DPP4: variants seen among roughly 807,000 people sequenced by gnomAD.
DPP4 encodes dipeptidyl peptidase 4.
DPP4 carries 93 observed loss-of-function variants against 122.4 expected under a neutral mutation model. The ratio of observed to expected loss-of-function variants is 0.76; its 90% CI spans 0.64 to 0.90. DPP4 has a LOEUF of 0.90. DPP4 is among the 40% of genes least tolerant of loss of function. The pLI is 0.00. For synonymous variants in DPP4, 321 were observed against 302.9 expected (o/e 1.06, Z -0.62); for missense variants, 914 against 907.3 (o/e 1.01, Z -0.09).
intron 18 of DPP4, among the ~76,000 whole-genome samples, chr2:162,014,921 G>A (rs1216569128): frequency 6.6e-6 from 1 of 152,080 alleles, no homozygotes; most frequent in Non-Finnish European, 1.5e-5. Flanking sequence ...TAACATTTTT[G>A]TAATTCTTAT....
Position 162,008,595 on chromosome 2 carries a change from C to A in DPP4, c.1954G>T (p.Ala652Ser). ...SGSGVFKCGI[A>S]VAPVSRWEYY... ...TCCCACCGGGATACAGGCGCCACGG[C>A]TATTCCACACTTGAACACGCCACTT... Residue 652 changes from alanine (A) to serine (S), a missense_variant, in exon 22 of 26, where the codon GCC (alanine) becomes TCC (serine). By Grantham distance (99) the Ala-to-Ser change is moderately conservative. Coordinates refer to ENST00000360534, the MANE Select transcript of DPP4 (RefSeq NM_001935.4). 6.2e-7 allele frequency: 1 copy of A among 1,613,608 alleles called. No homozygotes were observed. The highest frequency in any genetic ancestry group is 8.5e-7 in the Non-Finnish European group (1 of 1,179,702).
chr2:162,014,425 T>A lies in DPP4; in HGVS notation c.1608A>T (p.Lys536Asn). The A allele has an allele frequency of 6.2e-7, 1 of 1,608,792 alleles. No individual in the cohort carries two copies. The highest frequency in any genetic ancestry group is 8.5e-7 in the Non-Finnish European group (1 of 1,177,350). ...YQMILPPHFDKSKKYPLLLDV... is the reference protein window; with the variant it reads ...YQMILPPHFDNSKKYPLLLDV... ...CTAATAGTAGAGGATATTTCTTGGA[T>A]TTATCAAAATGAGGAGGCAAGATCA... The change falls in exon 19 of 26, where the codon AAA becomes AAT. Residue 536 changes from lysine (K) to asparagine (N), a missense_variant. Transcript: ENST00000360534.
rs766597015 is a variant in DPP4, at chr2:162,024,877, C to T, written c.950G>A (p.Arg317Lys). ...CATGACCGAATAGTTCTGAATCCTC[C>T]TGAGCCACTGCAAAGAAATTCTTTC... The part of the protein sequence containing the change: ...TQERISLQWL[R>K]RIQNYSVMDI... Residue 317 changes from arginine (R) to lysine (K), a missense_variant, in exon 11 of 26, where the codon AGG becomes AAG. Physicochemically the swap from Arg to Lys is conservative, Grantham distance 26 (BLOSUM62 2). Transcript: ENST00000360534. The T allele has an allele frequency of 6.2e-7, 1 of 1,613,942 alleles. No individual in the cohort carries two copies. Among genetic ancestry groups the T allele is most frequent in the Non-Finnish European group, 8.5e-7 (1 of 1,180,018 alleles).
intron 2 of DPP4, among the ~76,000 whole-genome samples, chr2:162,062,593 A>AT (rs1234384752): frequency 6.6e-6 from 1 of 152,192 alleles, no homozygotes; most frequent in Non-Finnish European, 1.5e-5. Context: ...TGAAGTTCTC[A>AT]TTTACTTGTT....
At chr2:162,032,865 A>C (rs530736944) in intron 10 of DPP4, among the ~76,000 whole-genome samples, 5 of 152,324 alleles carry the variant, frequency 3.3e-5, no homozygotes, top group African/African-American at 1.2e-4. Flanking sequence ...AACCACTGAC[A>C]TGATTTCAGG....
In DPP4 at chr2:162,019,258, T is replaced by G; in HGVS notation, c.1263A>C (p.Glu421Asp). 1 of 1,584,532 alleles carries G rather than the reference T, an allele frequency of 6.3e-7. No homozygotes were observed. Among genetic ancestry groups the G allele is most frequent in the African/African-American group, 1.4e-5 (1 of 74,072 alleles). ...TCCTTCCTCCTGGCATTCCTTTATA[T>G]TCATTACTAATGTAGTATCTAGGAA... is the stretch of plus-strand genomic sequence containing the variant. The part of the protein sequence containing the change: ...TSDYLYYISN[E>D]YKGMPGGRNL... Residue 421 changes from glutamate to aspartate, a missense_variant, in exon 15 of 26, where the codon GAA becomes GAC. Coordinates refer to ENST00000360534, the MANE Select transcript of DPP4 (RefSeq NM_001935.4).
intron 5 of DPP4, among the ~76,000 whole-genome samples, chr2:162,040,845 G>A (rs1683959025): frequency 6.6e-6 from 1 of 151,760 alleles, no homozygotes; most frequent in South Asian, 2.1e-4. Context: ...AGTGGGGGAG[G>A]GAGGATAAGG....
chr2:162,072,242 A>T (rs1315753384), intron 2 of DPP4, among the ~76,000 whole-genome samples: 1 of 152,228 alleles, frequency 6.6e-6, no homozygotes, highest in Admixed American at 6.5e-5. Context: ...TTCTCCCACA[A>T]GGCTTTGCAT....
chr2:162,037,175 T>C (rs532461334), intron 8 of DPP4, among the ~76,000 whole-genome samples: 1 of 152,292 alleles, frequency 6.6e-6, no homozygotes, highest in Non-Finnish European at 1.5e-5. Flanking sequence ...GGCCTAGTCG[T>C]GAACATGCAA....
chr2:162,029,908 C>G (rs1478324284), intron 10 of DPP4, among the ~76,000 whole-genome samples: 3 of 152,166 alleles, frequency 2.0e-5, no homozygotes, highest in African/African-American at 7.2e-5. Flanking sequence ...AACCACTATT[C>G]TATACACACA....
chr2:162,033,423 T>C (rs1042644375), intron 10 of DPP4, 118 bp downstream of exon 10: 49 of 651,886 alleles, frequency 7.5e-5, no homozygotes, highest in African/African-American at 6.1e-4. Context: ...AATGAATGAC[T>C]GTCAGCGGGG....
intron 2 of DPP4, among the ~76,000 whole-genome samples, chr2:162,057,229 G>C (rs1684609514): frequency 1.3e-5 from 2 of 152,182 alleles, no homozygotes; most frequent in Non-Finnish European, 2.9e-5. Context: ...GGTTTTATCT[G>C]TGCAGTGGGC....
At chr2:162,037,160 T>C (rs1243302197) in intron 8 of DPP4, among the ~76,000 whole-genome samples, 1 of 152,176 alleles carries the variant, frequency 6.6e-6, no homozygotes, top group Non-Finnish European at 1.5e-5. Flanking sequence ...GTTCTGCATG[T>C]GAATGGCCTA....
At chr2:162,071,184 G>T (rs1238540807) in intron 2 of DPP4, among the ~76,000 whole-genome samples, 1 of 152,118 alleles carries the variant, frequency 6.6e-6, no homozygotes, top group Non-Finnish European at 1.5e-5. Context: ...TCTTTTGCCT[G>T]TTTCCCACCC....
At chr2:162,020,358 A>G (rs1683080097) in intron 13 of DPP4, 62 bp from the exon 14 acceptor site, 1 of 1,317,932 alleles carries the variant, frequency 7.6e-7, no homozygotes, top group Admixed American at 2.3e-5. Context: ...CTCTCTGTTC[A>G]AAGTGGAGGA....
intron 5 of DPP4, among the ~76,000 whole-genome samples, chr2:162,040,232 A>G (rs898527281): frequency 1.6e-4 from 24 of 151,926 alleles, no homozygotes; most frequent in African/African-American, 5.8e-4. Flanking sequence ...TTGAGAATTT[A>G]TGCCCACACA....
intron 2 of DPP4, among the ~76,000 whole-genome samples, chr2:162,057,940 T>C (rs1305703198): frequency 6.6e-6 from 1 of 152,078 alleles, no homozygotes; most frequent in Non-Finnish European, 1.5e-5. Context: ...ACCCAGCTAA[T>C]TTTTGTATTT....
intron 23 of DPP4, 68 bp downstream of exon 23, chr2:162,005,677 A>G: frequency 2.3e-6 from 3 of 1,319,444 alleles, no homozygotes; most frequent in Non-Finnish European, 2.1e-6. Flanking sequence ...TAGAATAGAT[A>G]CAATTAAGAA....
chr2:162,001,527 G>GT (rs1391025227), intron 23 of DPP4, among the ~76,000 whole-genome samples: 1 of 152,062 alleles, frequency 6.6e-6, no homozygotes, highest in Non-Finnish European at 1.5e-5. Context: ...CCAAAATACT[G>GT]TTTTTTCTAA....
Sources: gnomAD v4.1 joint callset for allele counts (sites outside exome capture counted in the v4.1 genomes callset) on GRCh38, gnomAD v4.1.1 for gene constraint, MANE v1.5 for transcripts, NCBI Gene and HGNC (gene_info 2026-07-23, HGNC 2026-07-21) for gene names.